Variants in EIF2AK3 observed in about 807,000 individuals in gnomAD.
The protein encoded by EIF2AK3 is eukaryotic translation initiation factor 2-alpha kinase 3.
A neutral mutation model predicts 113.5 loss-of-function variants in EIF2AK3; 50 were observed. The ratio of observed to expected loss-of-function variants is 0.44; its 90% CI spans 0.35 to 0.56. The LOEUF (loss-of-function observed/expected upper bound fraction) is 0.56. Among genes scored for constraint, EIF2AK3 ranks in the 20% least tolerant of loss-of-function variants. The pLI, the probability that EIF2AK3 is intolerant of heterozygous loss-of-function variation, is 0.00. For synonymous variants in EIF2AK3, 448 were observed against 495.4 expected (o/e 0.90, Z 1.27); for missense variants, 1,185 against 1,378.0 (o/e 0.86, Z 2.22).
intron 15 of EIF2AK3, 27 bp downstream of exon 15, chr2:88,562,260 CTT>C (rs201080614): frequency 6.4e-7 from 1 of 1,552,458 alleles, no homozygotes; most frequent in Non-Finnish European, 8.9e-7. Flanking sequence ...CTGTTTGAAA[CTT>C]TTTTTTTGAG....
intron 10 of EIF2AK3, among the ~76,000 whole-genome samples, chr2:88,580,529 C>T (rs1207200802): frequency 1.3e-5 from 2 of 152,144 alleles, no homozygotes; most frequent in Non-Finnish European, 2.9e-5. Flanking sequence ...GCTCCCTTCT[C>T]CCACCGCCAC....
In EIF2AK3 at chr2:88,627,129, G is replaced by T. The variant is rs1177978428; in HGVS notation, c.146C>A (p.Ala49Glu). The part of the protein sequence containing the change: ...PTAEAAFGLG[A>E]AAAPTSATRV... The stretch of plus-strand genomic sequence containing the variant: ...CGTCGCTGAGGTGGGAGCAGCGGCC[G>T]CCCCGAGGCCGAACGCCGCCTCCGC... Residue 49 changes from alanine to glutamate, a missense_variant, in exon 1 of 17, where the codon GCG becomes GAG. Transcript: ENST00000303236. 21 of 1,460,880 alleles carry T rather than the reference G, an allele frequency of 1.4e-5. No homozygotes were observed. Among genetic ancestry groups the T allele is most frequent in the Non-Finnish European group, 1.9e-5 (21 of 1,114,268 alleles). The allele number at this position is 1,460,880 out of a possible 1,614,324, so 90.5% of individuals were successfully genotyped here. A position where few individuals can be genotyped will look rare whatever the true frequency, so the allele number is the denominator to read the frequency against.
intron 2 of EIF2AK3, among the ~76,000 whole-genome samples, chr2:88,611,129 TA>T (rs1453971952): frequency 1.3e-5 from 2 of 152,102 alleles, no homozygotes; most frequent in African/African-American, 4.8e-5. Flanking sequence ...CCTGAGCTTG[TA>T]AAGAAAGGGA....
intron 6 of EIF2AK3, 102 bp from the exon 7 acceptor site, chr2:88,589,003 C>T: frequency 3.0e-6 from 4 of 1,336,332 alleles, no homozygotes; most frequent in Non-Finnish European, 2.1e-6. Flanking sequence ...ACATACACCA[C>T]AAAACTCTTG....
chr2:88,618,541 C>A (rs946925231), intron 1 of EIF2AK3, among the ~76,000 whole-genome samples: 3 of 152,178 alleles, frequency 2.0e-5, no homozygotes, highest in African/African-American at 4.8e-5. Context: ...TTGTTAAAAA[C>A]CATTAAAGGT....
intron 2 of EIF2AK3, among the ~76,000 whole-genome samples, chr2:88,601,311 A>G (rs1675142270): frequency 6.6e-6 from 1 of 152,178 alleles, no homozygotes; most frequent in African/African-American, 2.4e-5. Flanking sequence ...ATTTCCTGAA[A>G]AGTATGATTA....
intron 1 of EIF2AK3, 131 bp from the exon 2 acceptor site, chr2:88,613,984 A>G (rs1675515208): frequency 1.3e-5 from 10 of 750,818 alleles, no homozygotes; most frequent in Non-Finnish European, 2.2e-5. Context: ...GCCTTCTACC[A>G]CTCTTGCCAC....
intron 1 of EIF2AK3, 127 bp downstream of exon 1, chr2:88,626,840 C>G: frequency 7.7e-7 from 1 of 1,299,368 alleles, no homozygotes; most frequent in South Asian, 1.4e-5. Context: ...GTCCCCAGGT[C>G]GCCAGCTGCC....
At chr2:88,587,158 T>C (rs928053277) in intron 8 of EIF2AK3, among the ~76,000 whole-genome samples, 6 of 142,628 alleles carry the variant, frequency 4.2e-5, no homozygotes, top group African/African-American at 1.6e-4. Context: ...TGAGCCGAGA[T>C]TGTGCCACTG....
At chr2:88,615,764 C>T (rs900359123) in intron 1 of EIF2AK3, among the ~76,000 whole-genome samples, 11 of 152,176 alleles carry the variant, frequency 7.2e-5, no homozygotes, top group African/African-American at 2.7e-4. Flanking sequence ...TACTTCTTGC[C>T]CCTCTGCAAC....
At chr2:88,607,057 T>G (rs1675295398) in intron 2 of EIF2AK3, among the ~76,000 whole-genome samples, 1 of 152,226 alleles carries the variant, frequency 6.6e-6, no homozygotes, top group African/African-American at 2.4e-5. Context: ...ATTAGTTATA[T>G]ATACACAATT....
chr2:88,604,963 C>T (rs1675232942), intron 2 of EIF2AK3, among the ~76,000 whole-genome samples: 1 of 152,096 alleles, frequency 6.6e-6, no homozygotes, highest in Non-Finnish European at 1.5e-5. Context: ...CTCACCTTTA[C>T]TATATCAGAT....
At chr2:88,591,473 A>C (rs891620618) in intron 4 of EIF2AK3, among the ~76,000 whole-genome samples, 22 of 152,202 alleles carry the variant, frequency 1.4e-4, no homozygotes, top group African/African-American at 5.3e-4. Flanking sequence ...ATGCCCTAAC[A>C]AACCAGTGTA....
intron 12 of EIF2AK3, among the ~76,000 whole-genome samples, chr2:88,575,907 GT>G (rs756598027): frequency 4.6e-5 from 7 of 152,174 alleles, no homozygotes; most frequent in Non-Finnish European, 8.8e-5. Context: ...ATACCTGTAG[GT>G]AGGAGTTTCA....
At position 88,588,778 on chromosome 2, in the gene EIF2AK3, T is replaced by C; in HGVS notation, c.1289A>G (p.Lys430Arg). The C allele has an allele frequency of 6.2e-7, 1 of 1,613,714 alleles. No homozygotes were observed. The highest frequency in any genetic ancestry group is 1.3e-5 in the African/African-American group (1 of 75,012). ...ENAIIPLPTI[K>R]WKPLIHSPSR... ...TCACTTACGAATTAAGGGTTTCCAT[T>C]TGATTGTTGGTAAAGGAATAATTGC... Residue 430 changes from lysine to arginine, a missense_variant, in exon 7 of 17, where the codon AAA becomes AGA. Physicochemically the swap from Lys to Arg is conservative, Grantham distance 26. Around this residue, in one of 3 missense-constraint regions of EIF2AK3, gnomAD observed 877 missense variants for 1,024.2 expected, o/e 0.86. Transcript: ENST00000303236.
chr2:88,599,114 C>T (rs1675090502), intron 2 of EIF2AK3, among the ~76,000 whole-genome samples: 1 of 151,758 alleles, frequency 6.6e-6, no homozygotes, highest in South Asian at 2.1e-4. Context: ...GAAAGGTACT[C>T]AAGAGTCTTG....
chr2:88,590,318 C>T (rs568387992), intron 6 of EIF2AK3, 125 bp downstream of exon 6: 11 of 946,564 alleles, frequency 1.2e-5, no homozygotes, highest in Middle Eastern at 2.8e-4. Flanking sequence ...TCAAGGGCAA[C>T]GTACATCAGA....
chr2:88,614,515 A>G (rs569734553), intron 1 of EIF2AK3, among the ~76,000 whole-genome samples: 2 of 152,212 alleles, frequency 1.3e-5, no homozygotes, highest in African/African-American at 2.4e-5. Context: ...TGGGTTTTCA[A>G]TATCTATCTA....
chr2:88,576,310 G>T (rs1674455794), intron 12 of EIF2AK3, among the ~76,000 whole-genome samples: 1 of 152,008 alleles, frequency 6.6e-6, no homozygotes, highest in African/African-American at 2.4e-5. Context: ...GAACTCCTGG[G>T]CTCAAGCCAT....
Sources: allele counts gnomAD v4.1 joint callset (sites outside exome capture counted in the v4.1 genomes callset), GRCh38; gene constraint gnomAD v4.1.1; regional missense constraint gnomAD v4.1.1; transcripts MANE v1.5; gene names NCBI Gene and HGNC (gene_info 2026-07-23, HGNC 2026-07-21).